Variants in CSMD3 observed in about 807,000 individuals in gnomAD.
CSMD3 encodes CUB and sushi domain-containing protein 3.
Under a neutral mutation model 435.2 loss-of-function variants are expected in CSMD3, and 177 were observed. The observed-to-expected ratio is 0.41, with a 90% CI of 0.36 to 0.46. The LOEUF (loss-of-function observed/expected upper bound fraction) is 0.46. CSMD3 is among the 20% of genes least tolerant of loss of function. CSMD3 has a pLI of 0.34. For missense variants in CSMD3, 4,265 were observed against 4,504.6 expected, an observed-to-expected ratio of 0.95 and a Z score of 1.52; for synonymous variants, 1,656 against 1,520.5, an observed-to-expected ratio of 1.09 and a Z score of -2.07.
intron 12 of CSMD3, among the ~76,000 whole-genome samples, chr8:112,801,224 T>C (rs1031185350): frequency 5.3e-5 from 8 of 152,006 alleles, no homozygotes; most frequent in Non-Finnish European, 4.4e-5. Flanking sequence ...TTCCTTTCAT[T>C]GTAAAAACCT....
chr8:113,281,855 T>C (rs2093615241), intron 2 of CSMD3, among the ~76,000 whole-genome samples: 1 of 152,006 alleles, frequency 6.6e-6, no homozygotes, highest in African/African-American at 2.4e-5. Flanking sequence ...TTAGCAGTTC[T>C]TGTAGTGGTG....
intron 4 of CSMD3, among the ~76,000 whole-genome samples, chr8:113,102,497 A>C (rs1020987567): frequency 6.6e-6 from 1 of 152,148 alleles, no homozygotes. Flanking sequence ...GCTCTAAGCA[A>C]ATGACAAAGT....
In CSMD3 at chr8:112,959,659, T is replaced by C. The variant is rs144182582; in HGVS notation, c.1343-4898A>G. On this transcript the variant is annotated intron_variant, in intron 7 of 70. Transcript: ENST00000297405. The stretch of plus-strand genomic sequence containing the variant: ...TTTATTTTGAATTTATTAATTATAA[T>C]CTTATCTTTTACTTTATAGTAAACT... 2.6e-5 allele frequency among the ~76,000 whole-genome samples: 4 copies of C among 152,010 alleles called. No individual in the cohort carries two copies. The East Asian group carries it at 7.7e-4, about 29-fold the overall frequency.
At chr8:113,273,310 T>C (rs1202558516) in intron 3 of CSMD3, among the ~76,000 whole-genome samples, 2 of 152,118 alleles carry the variant, frequency 1.3e-5, no homozygotes, top group Non-Finnish European at 2.9e-5. Flanking sequence ...ACCTCAGCTC[T>C]AATAAAATTA....
At chr8:113,269,620 C>A (rs1588412761) in intron 3 of CSMD3, among the ~76,000 whole-genome samples, 1 of 151,872 alleles carries the variant, frequency 6.6e-6, no homozygotes, top group Non-Finnish European at 1.5e-5. Flanking sequence ...AAATATAGAC[C>A]AATGGAACAG....
At chr8:112,478,001 G>T (rs923615365) in intron 31 of CSMD3, among the ~76,000 whole-genome samples, 1 of 152,080 alleles carries the variant, frequency 6.6e-6, no homozygotes, top group Non-Finnish European at 1.5e-5. Flanking sequence ...AAGTCTCACA[G>T]GATCTGATGA....
At chr8:113,370,665 A>T (rs2094341580) in intron 1 of CSMD3, among the ~76,000 whole-genome samples, 1 of 151,900 alleles carries the variant, frequency 6.6e-6, no homozygotes, top group Admixed American at 6.6e-5. Flanking sequence ...CAATTTTACT[A>T]TTTACTATTA....
At chr8:113,417,742 T>A (rs2094588712) in intron 1 of CSMD3, among the ~76,000 whole-genome samples, 1 of 152,014 alleles carries the variant, frequency 6.6e-6, no homozygotes, top group South Asian at 2.1e-4. Context: ...GTCTTCAAGA[T>A]ACATTTCAAA....
At chr8:112,518,655 A>AGG (rs913462750) in intron 27 of CSMD3, among the ~76,000 whole-genome samples, 4 of 150,632 alleles carry the variant, frequency 2.7e-5, no homozygotes, top group Admixed American at 6.6e-5. Context: ...AGAGAGAGAG[A>AGG]GGGAAACTTA....
chr8:112,380,613 T>C (rs561480855), intron 37 of CSMD3, among the ~76,000 whole-genome samples, 157 bp from the exon 38 acceptor site: 1 of 152,274 alleles, frequency 6.6e-6, no homozygotes, highest in South Asian at 2.1e-4. Context: ...TTTCTCACAA[T>C]CCTCTTTCAA....
At chr8:113,268,114 T>C (rs117376330) in intron 3 of CSMD3, among the ~76,000 whole-genome samples, 4,756 of 151,856 alleles carry the variant, frequency 0.031, 96 homozygotes, top group Non-Finnish European at 0.052. Context: ...AAAGTGACTA[T>C]GCATCTGTCA....
chr8:113,380,303 T>C (rs2094409634), intron 1 of CSMD3, among the ~76,000 whole-genome samples: 1 of 152,200 alleles, frequency 6.6e-6, no homozygotes, highest in South Asian at 2.1e-4. Flanking sequence ...TAACTTCAAG[T>C]TGCTTATCAT....
At chr8:112,634,828 C>A (rs1172558461) in intron 22 of CSMD3, among the ~76,000 whole-genome samples, 1 of 151,412 alleles carries the variant, frequency 6.6e-6, no homozygotes, top group Non-Finnish European at 1.5e-5. Flanking sequence ...ATGATAGATT[C>A]CTTCTAGAAT....
chr8:113,171,283 A>T (rs1223186525), intron 4 of CSMD3, among the ~76,000 whole-genome samples: 1 of 152,102 alleles, frequency 6.6e-6, no homozygotes, highest in Non-Finnish European at 1.5e-5. Flanking sequence ...AGCTAAAAAA[A>T]AAATAGCTTC....
chr8:112,922,957 C>T (rs1004811937), intron 9 of CSMD3, among the ~76,000 whole-genome samples: 5 of 152,086 alleles, frequency 3.3e-5, no homozygotes, highest in South Asian at 2.1e-4. Flanking sequence ...TCTCAATAAA[C>T]GAAAACTCCA....
At chr8:112,976,197 GTTTAT>G in intron 6 of CSMD3, 49 bp from the exon 7 acceptor site, 2 of 1,596,920 alleles carry the variant, frequency 1.3e-6, no homozygotes, top group South Asian at 2.2e-5. Context: ...TTTAAATTTT[GTTTAT>G]TTTTTCTGAT....
intron 4 of CSMD3, among the ~76,000 whole-genome samples, chr8:113,145,967 G>T (rs753898247): frequency 6.6e-6 from 1 of 151,428 alleles, no homozygotes; most frequent in Non-Finnish European, 1.5e-5. Context: ...ATAAGCATTT[G>T]TTGAGTACAA....
Position 113,116,091 on chromosome 8 carries a change from C to A in CSMD3, c.710-17128G>T, listed in dbSNP as rs148353186. On this transcript the variant is annotated intron_variant, in intron 4 of 70. Transcript: ENST00000297405. ...TGAAATTTATGTGGCTTATAAGGTACCCTGTTTATGGTATTTCTTATATCA... is the reference window on the plus strand; with the variant it reads ...TGAAATTTATGTGGCTTATAAGGTAACCTGTTTATGGTATTTCTTATATCA... Among the ~76,000 whole-genome samples, 899 of 152,106 alleles carry A rather than the reference C, an allele frequency of 5.9e-3. 4 individuals carry two copies. The highest frequency in any genetic ancestry group is 0.019 in the African/African-American group (798 of 41,452).
At chr8:113,156,934 A>AAGAG (rs58581247) in intron 4 of CSMD3, among the ~76,000 whole-genome samples, 17,984 of 147,766 alleles carry the variant, frequency 0.12, 2,119 homozygotes, top group African/African-American at 0.31. Context: ...TTTGTCTCAA[A>AAGAG]AGAGAGAGAG....
Sources: gnomAD v4.1 joint callset for allele counts (sites outside exome capture counted in the v4.1 genomes callset) on GRCh38, gnomAD v4.1.1 for gene constraint, MANE v1.5 for transcripts, NCBI Gene and HGNC (gene_info 2026-07-23, HGNC 2026-07-21) for gene names.